ANKRD1: variants seen among roughly 807,000 people sequenced by gnomAD.
ANKRD1 encodes ankyrin repeat domain 1.
ANKRD1 carries 32 observed loss-of-function variants against 40.1 expected under a neutral mutation model. That is an observed-to-expected ratio of 0.80 (90% CI 0.60 to 1.07). The LOEUF is 1.07. Among genes scored for constraint, ANKRD1 ranks in the 50% least tolerant of loss-of-function variants. The pLI is 0.00. For missense variants in ANKRD1, 359 were observed against 386.0 expected (o/e 0.93, Z 0.59); for synonymous variants, 149 against 141.2 (o/e 1.06, Z -0.39).
chr10:90,917,700 T>G (rs1249127266), intron 5 of ANKRD1, 32 bp downstream of exon 5: 1 of 1,583,188 alleles, frequency 6.3e-7, no homozygotes, highest in Non-Finnish European at 8.7e-7. Context: ...CTACTTCTTT[T>G]GGCTCATTCC....
intron 8 of ANKRD1, among the ~76,000 whole-genome samples, chr10:90,913,449 G>A (rs1421595995): frequency 1.3e-5 from 2 of 152,042 alleles, no homozygotes; most frequent in Non-Finnish European, 2.9e-5. Context: ...GTACTGCTTG[G>A]GTACTATTAC....
At position 90,920,273 on chromosome 10, in the gene ANKRD1, CT is replaced by C; in HGVS notation, c.102del (p.Ala35LeufsTer5). On this transcript the variant is annotated frameshift_variant, in exon 2 of 9. Coordinates refer to ENST00000371697, the MANE Select transcript of ANKRD1 (RefSeq NM_014391.3). LOFTEE classifies it high-confidence loss of function. The part of the protein sequence containing the change: ...LPEDFRDGEY[E>X]AAVTLEKQED... ...TCCTGCTTCTCTAAAGTAACAGCAG[CT>C]TCATACTCTCCATCTCTGAAATCCT... The C allele has an allele frequency of 6.2e-7, 1 of 1,614,198 alleles. No individual in the cohort carries two copies. The highest frequency in any genetic ancestry group is 8.5e-7 in the Non-Finnish European group (1 of 1,180,026).
In ANKRD1 at chr10:90,917,966, T is replaced by C. The variant is rs1356358318; in HGVS notation, c.454-136A>G. 8.5e-6 allele frequency: 6 copies of C among 705,464 alleles called. No homozygotes were observed. In the African/African-American group the frequency reaches 1.1e-4, roughly 13 times the overall value. 43.7% of individuals were successfully genotyped at this position (705,464 alleles called of 1,614,324 possible). A position where few individuals can be genotyped will look rare whatever the true frequency, so the allele number is the denominator to read the frequency against. On this transcript the variant is annotated intron_variant, in intron 4 of 8. Coordinates refer to ENST00000371697, the MANE Select transcript of ANKRD1 (RefSeq NM_014391.3). ...AAGTGCTTCTTTATGAATAGAAATG[T>C]CAAAGTTAACTAAAATTGCAGAATC...
At chr10:90,915,468 T>C in intron 8 of ANKRD1, 75 bp downstream of exon 8, 1 of 1,288,022 alleles carries the variant, frequency 7.8e-7, no homozygotes, top group Non-Finnish European at 1.1e-6. Context: ...ATTGTGGGAG[T>C]CGTTTCACCT....
chr10:90,920,182 T>G lies in ANKRD1; in HGVS notation c.194A>C (p.Gln65Pro), dbSNP rs759803899. The G allele has an allele frequency of 2.5e-5, 41 of 1,613,738 alleles. No individual in the cohort carries two copies. Among genetic ancestry groups the G allele is most frequent in the Non-Finnish European group, 3.4e-5 (40 of 1,180,008 alleles). Residue 65 changes from glutamine (Q) to proline (P), a missense_variant, in exon 2 of 9, where the codon CAA becomes CCA. Physicochemically the swap from Gln to Pro is moderately conservative, Grantham distance 76. Coordinates refer to ENST00000371697, the MANE Select transcript of ANKRD1 (RefSeq NM_014391.3). ...GATGGCTCTCACCTCTGCCTCTCGT[T>G]GTTTCTCGCTTTTCCACTGTTGCTC... ...LGEQQWKSEK[Q>P]REAELKKKKL...
At chr10:90,918,770 G>C in intron 4 of ANKRD1, 95 bp downstream of exon 4, 1 of 1,038,296 alleles carries the variant, frequency 9.6e-7, no homozygotes, top group South Asian at 1.3e-5. Flanking sequence ...GTTTCAGGTG[G>C]AAGGACTTTG....
intron 8 of ANKRD1, among the ~76,000 whole-genome samples, chr10:90,913,229 T>C (rs781529309): frequency 3.9e-5 from 6 of 152,234 alleles, no homozygotes; most frequent in Non-Finnish European, 8.8e-5. Context: ...CCCTTGTCCC[T>C]AGACACTATG....
intron 1 of ANKRD1, 71 bp from the exon 2 acceptor site, chr10:90,920,419 G>T (rs752071122): frequency 4.5e-5 from 71 of 1,572,088 alleles, no homozygotes; most frequent in Non-Finnish European, 1.7e-5. Flanking sequence ...AGACAATGCC[G>T]CAGGAGGCTC....
At chr10:90,918,793 C>A in intron 4 of ANKRD1, 72 bp downstream of exon 4, 1 of 1,260,388 alleles carries the variant, frequency 7.9e-7, no homozygotes. Flanking sequence ...ACTATATTAG[C>A]AAGACTGGAG....
At chr10:90,917,967 C>A in intron 4 of ANKRD1, 137 bp from the exon 5 acceptor site, 1 of 695,034 alleles carries the variant, frequency 1.4e-6, no homozygotes, top group Non-Finnish European at 2.5e-6. Flanking sequence ...ATAGAAATGT[C>A]AAAGTTAACT....
At chr10:90,920,753 C>T (rs1241952537) in intron 1 of ANKRD1, among the ~76,000 whole-genome samples, 36 of 152,112 alleles carry the variant, frequency 2.4e-4, no homozygotes, top group Admixed American at 2.1e-3. Context: ...GATAACTACA[C>T]GTGATTCCAC....
At position 90,912,940 on chromosome 10, in the gene ANKRD1, G is replaced by A. The variant is rs1283582418; in HGVS notation, c.886C>T (p.Gln296Ter). ...KTPMDLVLHW[Q>*]NGTKAIFDSL... is the part of the protein sequence containing the mutation. The stretch of plus-strand genomic sequence containing the variant: ...TCGAATATTGCTTTGGTTCCATTCT[G>A]CCAGTGTAGCACCAGATCCATCGGC... The change falls in exon 9 of 9, where the codon CAG becomes TAG. Residue 296 changes from glutamine (Q) to a stop codon, truncating the protein, a stop_gained. Coordinates refer to ENST00000371697, the MANE Select transcript of ANKRD1 (RefSeq NM_014391.3). LOFTEE classifies it high-confidence loss of function. 6.2e-7 allele frequency: 1 copy of A among 1,614,054 alleles called. No homozygotes were observed. Among genetic ancestry groups the A allele is most frequent in the Non-Finnish European group, 8.5e-7 (1 of 1,179,942 alleles).
chr10:90,915,230 A>G (rs1847356449), intron 8 of ANKRD1, among the ~76,000 whole-genome samples: 1 of 152,224 alleles, frequency 6.6e-6, no homozygotes, highest in Admixed American at 6.5e-5. Context: ...GCCAAAGCAG[A>G]TTGGACTTCT....
intron 4 of ANKRD1, among the ~76,000 whole-genome samples, 157 bp from the exon 5 acceptor site, chr10:90,917,987 G>A (rs115179303): frequency 1.3e-5 from 2 of 152,192 alleles, no homozygotes; most frequent in Non-Finnish European, 2.9e-5. Context: ...TAAAATTGCA[G>A]AATCAGAACA....
At chr10:90,920,062 G>C (rs1177584486) in intron 2 of ANKRD1, 107 bp downstream of exon 2, 2 of 1,494,282 alleles carry the variant, frequency 1.3e-6, no homozygotes, top group Non-Finnish European at 1.9e-6. Flanking sequence ...ATCTGGTAAA[G>C]AGACATCTTA....
rs114861196 is a variant in ANKRD1 at position 90,920,899 on chromosome 10, A to C, written c.27+102T>G. 2.6e-4 allele frequency: 289 copies of C among 1,120,586 alleles called. No homozygotes were observed. In the African/African-American group the frequency reaches 4.2e-3, roughly 16 times the overall value. The allele number at this position is 1,120,586 out of a possible 1,614,324, so 69.4% of individuals were successfully genotyped here. Reference sequence around the variant, plus strand: ...CTTTTTCCATATATGACATTTTCAGAGTTCCCTTGCATTACACCTGAAAGC... The same window carrying C: ...CTTTTTCCATATATGACATTTTCAGCGTTCCCTTGCATTACACCTGAAAGC... On this transcript the variant is annotated intron_variant, in intron 1 of 8. Coordinates refer to ENST00000371697, the MANE Select transcript of ANKRD1 (RefSeq NM_014391.3).
chr10:90,916,039 G>GGGGTGGGGGAGGAGGGAAGGGC (rs1336047107), intron 6 of ANKRD1, 132 bp downstream of exon 6: 166 of 708,806 alleles, frequency 2.3e-4, no homozygotes, highest in Non-Finnish European at 1.9e-4. Context: ...AGGAGATGGA[G>GGGGTGGGGGAGGAGGGAAGGGC]GGGTGGGGGA....
intron 8 of ANKRD1, among the ~76,000 whole-genome samples, chr10:90,913,805 G>A (rs935815112): frequency 1.1e-4 from 16 of 152,108 alleles, no homozygotes; most frequent in Non-Finnish European, 2.4e-4. Context: ...TTTAAGATTA[G>A]TATGAATTGG....
At chr10:90,920,405 T>C in intron 1 of ANKRD1, 57 bp from the exon 2 acceptor site, 1 of 1,598,480 alleles carries the variant, frequency 6.3e-7, no homozygotes, top group South Asian at 1.1e-5. Context: ...GGGTCATTCT[T>C]CACAGACAAT....
Sources: gnomAD v4.1 joint callset for allele counts (sites outside exome capture counted in the v4.1 genomes callset) on GRCh38, gnomAD v4.1.1 for gene constraint, MANE v1.5 for transcripts, NCBI Gene and HGNC (gene_info 2026-07-23, HGNC 2026-07-21) for gene names.